The following SNED1 variants were observed in gnomAD, a reference collection of about 807,000 sequenced individuals.
The protein encoded by SNED1 is sushi, nidogen and EGF-like domain-containing protein 1.
A neutral mutation model predicts 166.7 loss-of-function variants in SNED1; 81 were observed. The observed-to-expected ratio is 0.49, with a 90% CI of 0.41 to 0.58. SNED1 has a LOEUF of 0.58. Ranked by LOEUF, SNED1 falls within the 20% of genes least tolerant of loss-of-function variation. The pLI is 0.00. For synonymous variants in SNED1, 762 were observed against 822.0 expected (o/e 0.93, Z 1.25); for missense variants, 1,604 against 2,000.2 (o/e 0.80, Z 3.78).
chr2:241,054,592 C>T (rs180977828), intron 16 of SNED1, among the ~76,000 whole-genome samples: 6 of 152,164 alleles, frequency 3.9e-5, no homozygotes, highest in East Asian at 3.9e-4. Context: ...AATGGATTAA[C>T]GGTATAAAAT....
At chr2:241,001,651 G>A (rs1317989298) in intron 1 of SNED1, among the ~76,000 whole-genome samples, 1 of 152,238 alleles carries the variant, frequency 6.6e-6, no homozygotes, top group Non-Finnish European at 1.5e-5. Flanking sequence ...GCTTGCCGCG[G>A]TCTGTGGGGC....
In SNED1 at chr2:241,053,281, G is replaced by A. The variant is rs2061938982; in HGVS notation, c.2212G>A (p.Val738Ile). Residue 738 changes from valine (V) to isoleucine (I), a missense_variant, in exon 16 of 32, where the codon GTC becomes ATC. This residue lies in a region of SNED1 where 1,237 missense variants were observed against 1,620.8 expected (regional missense o/e 0.76). Coordinates refer to ENST00000310397, the MANE Select transcript of SNED1 (RefSeq NM_001080437.3). The part of the protein sequence containing the change: ...YSLSAPSRIR[V>I]CQPHGVWSEP... ...CCTGAGCGCCCCCAGCCGCATCCGG[G>A]TCTGCCAGCCACACGGTGTCTGGAG... The A allele has an allele frequency of 1.2e-6, 2 of 1,601,476 alleles. No homozygotes were observed. The highest frequency in any genetic ancestry group is 2.2e-5 in the East Asian group (1 of 44,630).
intron 8 of SNED1, among the ~76,000 whole-genome samples, chr2:241,047,170 GTAAAT>G (rs10568057): frequency 0.41 from 54,383 of 132,306 alleles, 12,110 homozygotes; most frequent in African/African-American, 0.55. Context: ...AAAAAAAAAA[GTAAAT>G]TAGGTAAACT....
chr2:241,064,898 G>A lies in SNED1; in HGVS notation c.2654G>A (p.Ser885Asn). The A allele has an allele frequency of 6.3e-7, 1 of 1,585,294 alleles. No homozygotes were observed. The highest frequency in any genetic ancestry group is 1.4e-5 in the African/African-American group (1 of 72,924). The change falls in exon 20 of 32, where the codon AGC becomes AAC. Residue 885 changes from serine (S) to asparagine (N), a missense_variant. Around this residue, in one of 2 missense-constraint regions of SNED1, gnomAD observed 1,237 missense variants for 1,620.8 expected, o/e 0.76. Transcript: ENST00000310397. This position sits in a 1 kb window ranked among gnomAD's most constrained non-coding sequence, Gnocchi z 7.0. Reference protein sequence around the residue: ...PCGGRGYCLASNGSHSCTCKV... With the variant: ...PCGGRGYCLANNGSHSCTCKV... ...GGGGGCCGTGGCTATTGCCTGGCCA[G>A]CAACGGCTCCCACAGCTGCACCTGC...
At chr2:241,080,752 C>G (rs1408673074) in intron 27 of SNED1, among the ~76,000 whole-genome samples, 3 of 152,208 alleles carry the variant, frequency 2.0e-5, no homozygotes, top group Non-Finnish European at 4.4e-5. Flanking sequence ...GAAGAAGCAA[C>G]CTAGTGGGCA....
chr2:241,052,021 G>C lies in SNED1; in HGVS notation c.1853-20G>C. On this transcript the variant is annotated intron_variant, in intron 13 of 31. Transcript: ENST00000310397. ...GGGAGGGGCAGTGGGCTGTGACCCT[G>C]ACCTGGCTTCTGTTTCCAGGGAAGC... The C allele has an allele frequency of 6.2e-7, 1 of 1,609,028 alleles. No individual in the cohort carries two copies.
intron 12 of SNED1, 96 bp downstream of exon 12, chr2:241,050,029 C>T: frequency 2.2e-6 from 2 of 916,814 alleles, no homozygotes; most frequent in Non-Finnish European, 3.6e-6. Flanking sequence ...CCTTGTTTCG[C>T]GAATTGCTGA....
At chr2:241,036,082 A>AGGTGCGTCACGGGGTGGG (rs1574948655) in intron 4 of SNED1, among the ~76,000 whole-genome samples, 1 of 15,932 alleles carries the variant, frequency 6.3e-5, no homozygotes, top group Admixed American at 7.9e-4. Context: ...TGGGGGGTGG[A>AGGTGCGTCACGGGGTGGG]GGCGCATCAC....
chr2:241,009,006 G>A (rs989910740), intron 1 of SNED1, among the ~76,000 whole-genome samples: 1 of 152,256 alleles, frequency 6.6e-6, no homozygotes, highest in African/African-American at 2.4e-5. Context: ...AGTGGAGCAG[G>A]CAAGGCAGCC....
In SNED1 at chr2:241,049,914, C is replaced by G; in HGVS notation, c.1716C>G (p.His572Gln). 6.2e-7 allele frequency: 1 copy of G among 1,613,502 alleles called. No homozygotes were observed. Among genetic ancestry groups the G allele is most frequent in the Non-Finnish European group, 8.5e-7 (1 of 1,179,572 alleles). The change falls in exon 12 of 32, where the codon CAC (histidine) becomes CAG (glutamine). Residue 572 changes from histidine (H) to glutamine (Q), a missense_variant. His to Gln is a conservative substitution (Grantham distance 24). This residue lies in a region of SNED1 where 1,237 missense variants were observed against 1,620.8 expected (regional missense o/e 0.76). Coordinates refer to ENST00000310397, the MANE Select transcript of SNED1 (RefSeq NM_001080437.3). ...CCTGCGAGTGCCCGCGCGGGTTCCA[C>G]GGCAAGCACTGCGAGAAAGGTATGG... ...SYTCECPRGF[H>Q]GKHCEKARPH...
At chr2:241,053,560 C>A (rs753392398) in intron 16 of SNED1, among the ~76,000 whole-genome samples, 7 of 152,228 alleles carry the variant, frequency 4.6e-5, no homozygotes, top group Non-Finnish European at 7.3e-5. Context: ...ATCCTCAGAG[C>A]AGCCCGGAGC....
intron 30 of SNED1, 164 bp downstream of exon 30, chr2:241,087,639 A>G (rs1238776387): frequency 4.2e-6 from 6 of 1,427,102 alleles, no homozygotes; most frequent in African/African-American, 2.9e-5. Context: ...ACGAAACTGT[A>G]TGTCCATATA....
rs1028069133 is a variant in SNED1, at chr2:241,073,802, C to T, written c.3916+438C>T. 2.5e-5 allele frequency: 7 copies of T among 281,966 alleles called. No homozygotes were observed. In the Admixed American group the frequency reaches 3.3e-4, roughly 13 times the overall value. The allele number at this position is 281,966 out of a possible 1,614,324, so 17.5% of individuals were successfully genotyped here. A position where few individuals can be genotyped will look rare whatever the true frequency, so the allele number is the denominator to read the frequency against. On this transcript the variant is annotated intron_variant, in intron 27 of 31. Coordinates refer to ENST00000310397, the MANE Select transcript of SNED1 (RefSeq NM_001080437.3). The surrounding 1 kb of genome is among the most constrained non-coding windows in gnomAD (Gnocchi z 6.6). The stretch of plus-strand genomic sequence containing the variant: ...AGCCCCAGCTTGAGGACTAGCTGGG[C>T]CCTGTGGACACTCAGGTTATGCAGG...
At position 241,070,469 on chromosome 2, in the gene SNED1, G is replaced by C. The variant is rs1262185800; in HGVS notation, c.3589+268G>C. 2.0e-5 allele frequency among the ~76,000 whole-genome samples: 3 copies of C among 152,264 alleles called. No individual in the cohort carries two copies. In the East Asian group the frequency reaches 5.8e-4, roughly 29 times the overall value. On this transcript the variant is annotated intron_variant, in intron 24 of 31. Coordinates refer to ENST00000310397, the MANE Select transcript of SNED1 (RefSeq NM_001080437.3). ...GTGCCGGACCCTCCCGTAGATCCCA[G>C]ACAGGCCGAGCATCACCTGAAAACG...
At chr2:241,017,548 C>T (rs55722390) in intron 1 of SNED1, among the ~76,000 whole-genome samples, 3,914 of 152,362 alleles carry the variant, frequency 0.026, 47 homozygotes, top group African/African-American at 0.047. Flanking sequence ...GCCTTGTATT[C>T]TCTTGTAGTT....
At chr2:241,043,240 A>G (rs1453363943) in intron 8 of SNED1, among the ~76,000 whole-genome samples, 1 of 152,234 alleles carries the variant, frequency 6.6e-6, no homozygotes, top group Admixed American at 6.5e-5. Context: ...GCTGAAAACT[A>G]ATGATAAAAA....
At chr2:241,035,108 T>C (rs2061306465) in intron 4 of SNED1, among the ~76,000 whole-genome samples, 1 of 151,942 alleles carries the variant, frequency 6.6e-6, no homozygotes, top group Admixed American at 6.6e-5. Context: ...CCTGGGACCA[T>C]GTGGTCCCTA....
intron 16 of SNED1, among the ~76,000 whole-genome samples, chr2:241,055,196 A>G (rs1406411178): frequency 2.0e-5 from 3 of 152,178 alleles, no homozygotes; most frequent in Admixed American, 6.5e-5. Context: ...CCCAAGAAGA[A>G]GAGAAAATGA....
intron 30 of SNED1, 67 bp downstream of exon 30, chr2:241,087,542 G>GT: frequency 6.5e-7 from 1 of 1,532,818 alleles, no homozygotes; most frequent in Non-Finnish European, 8.8e-7. Flanking sequence ...GGCAAGGGCG[G>GT]GGTGCTATGG....
Sources: allele counts gnomAD v4.1 joint callset (sites outside exome capture counted in the v4.1 genomes callset), GRCh38; gene constraint gnomAD v4.1.1; regional missense constraint gnomAD v4.1.1; non-coding constraint Gnocchi (gnomAD v3.1); transcripts MANE v1.5; gene names NCBI Gene and HGNC (gene_info 2026-07-23, HGNC 2026-07-21).